The following KRT31 variants were observed in gnomAD, a reference collection of about 807,000 sequenced individuals.
KRT31 encodes keratin 31, also known as keratin, type I cuticular Ha1.
KRT31 carries 27 observed loss-of-function variants against 40.8 expected under a neutral mutation model. That is an observed-to-expected ratio of 0.66 (90% CI 0.49 to 0.91). The LOEUF (loss-of-function observed/expected upper bound fraction) is 0.91. KRT31 is among the 40% of genes least tolerant of loss of function. The pLI is 0.00. For missense variants in KRT31, 510 were observed against 544.1 expected (o/e 0.94, Z 0.62); for synonymous variants, 231 against 231.9 (o/e 1.00, Z 0.03).
In KRT31 at chr17:41,394,075, G is replaced by C; in HGVS notation, c.1192C>G (p.Pro398Ala). The part of the protein sequence containing the change: ...NPCTSCVPPA[P>A]CTPCAPRPRC... ...GGGCGTGGGGCACAGGGTGTGCAGG[G>C]GGCAGGAGGGACACAAGAGGTACAG... The change falls in exon 7 of 7, where the codon CCC becomes GCC. Residue 398 changes from proline (P) to alanine (A), a missense_variant. By Grantham distance (27) the Pro-to-Ala change is conservative. Coordinates refer to ENST00000251645, the MANE Select transcript of KRT31 (RefSeq NM_002277.3). 1 of 1,613,544 alleles carries C rather than the reference G, an allele frequency of 6.2e-7. No homozygotes were observed. Among genetic ancestry groups the C allele is most frequent in the Non-Finnish European group, 8.5e-7 (1 of 1,179,716 alleles).
intron 6 of KRT31, 109 bp from the exon 7 acceptor site, chr17:41,394,278 C>T (rs754017394): frequency 2.0e-5 from 23 of 1,177,658 alleles, no homozygotes; most frequent in Non-Finnish European, 2.7e-5. Flanking sequence ...CTTGACCTGG[C>T]CTAGAACAGA....
Position 41,396,894 on chromosome 17 carries a change from C to G in KRT31, c.431+19G>C, listed in dbSNP as rs752581165. On this transcript the variant is annotated intron_variant, in intron 2 of 6. Transcript: ENST00000251645. Reference sequence around the variant, plus strand: ...TAAACAGAAGCAATTGACACTAGTGCAAATTCCGAACAACTCACTTGGTTC... The same window carrying G: ...TAAACAGAAGCAATTGACACTAGTGGAAATTCCGAACAACTCACTTGGTTC... 9.4e-6 allele frequency: 15 copies of G among 1,591,702 alleles called. No individual in the cohort carries two copies. In the South Asian group the frequency reaches 1.5e-4, roughly 16 times the overall value.
chr17:41,397,530 T>G lies in KRT31; in HGVS notation c.10A>C (p.Asn4His). The change falls in exon 1 of 7, where the codon AAC (asparagine) becomes CAC (histidine). Residue 4 changes from asparagine to histidine, a missense_variant. Physicochemically the swap from Asn to His is moderately conservative, Grantham distance 68 (BLOSUM62 1). Coordinates refer to ENST00000251645, the MANE Select transcript of KRT31 (RefSeq NM_002277.3). MPY[N>H]FCLPSLSCRT... is the part of the protein sequence containing the mutation. ...CAGCTCAGGCTGGGCAGGCAGAAGTTGTAGGGCATAGTGCTGGGAGGGAGG... is the reference window on the plus strand; with the variant it reads ...CAGCTCAGGCTGGGCAGGCAGAAGTGGTAGGGCATAGTGCTGGGAGGGAGG... The G allele has an allele frequency of 1.2e-6, 2 of 1,612,176 alleles. No homozygotes were observed. Among genetic ancestry groups the G allele is most frequent in the Non-Finnish European group, 1.7e-6 (2 of 1,179,188 alleles).
chr17:41,394,315 G>T, intron 6 of KRT31, 146 bp from the exon 7 acceptor site: 1 of 776,848 alleles, frequency 1.3e-6, no homozygotes, highest in South Asian at 1.7e-5. Context: ...CTGCTACAAA[G>T]ATAACTAACT....
In KRT31 at chr17:41,394,116, G is replaced by A. The variant is rs139310454; in HGVS notation, c.1151C>T (p.Pro384Leu). ...AGAGGTACAGGGATTGGAGAGACAGGGTCCGATGGGCTTGCTGCACGCGTT... is the reference window on the plus strand; with the variant it reads ...AGAGGTACAGGGATTGGAGAGACAGAGTCCGATGGGCTTGCTGCACGCGTT... ...TTNACSKPIG[P>L]CLSNPCTSCV... The change falls in exon 7 of 7, where the codon CCC (proline) becomes CTC (leucine). Residue 384 changes from proline (P) to leucine (L), a missense_variant. Transcript: ENST00000251645. 1.6e-4 allele frequency: 254 copies of A among 1,612,786 alleles called. 1 individual carries two copies. In the African/African-American group the frequency reaches 2.7e-3, roughly 17 times the overall value.
rs751597381 is a variant in KRT31 at position 41,397,404 on chromosome 17, A to G, written c.136T>C (p.Trp46Arg). Reference protein sequence around the residue: ...NIPANVSNCNWFCEGSFNGSE... With the variant: ...NIPANVSNCNRFCEGSFNGSE... The stretch of plus-strand genomic sequence containing the variant: ...CCATTGAAGGAGCCCTCGCAGAACC[A>G]GTTGCAGTTGCTCACATTGGCGGGG... Residue 46 changes from tryptophan (W) to arginine (R), a missense_variant, in exon 1 of 7, where the codon TGG becomes CGG. By Grantham distance (101) the Trp-to-Arg change is moderately radical. Coordinates refer to ENST00000251645, the MANE Select transcript of KRT31 (RefSeq NM_002277.3). 1.4e-5 allele frequency: 23 copies of G among 1,612,828 alleles called. 1 individual carries two copies. The highest frequency in any genetic ancestry group is 1.8e-5 in the Non-Finnish European group (21 of 1,180,044).
Position 41,395,088 on chromosome 17 carries a change from G to A in KRT31, c.877-20C>T, listed in dbSNP as rs746742544. ...GTCTCGCTGTGGTGGAGAAGATTGG[G>A]AATGTCAGAGAGCTGCTCCTTCAAA... On this transcript the variant is annotated intron_variant, in intron 5 of 6. Transcript: ENST00000251645. The A allele has an allele frequency of 1.9e-6, 3 of 1,613,764 alleles. No homozygotes were observed. The highest frequency in any genetic ancestry group is 2.2e-5 in the East Asian group (1 of 44,898).
chr17:41,397,276 G>C lies in KRT31; in HGVS notation c.264C>G (p.Ile88Met). The change falls in exon 1 of 7, where the codon ATC becomes ATG. Residue 88 changes from isoleucine (I) to methionine (M), a missense_variant. Coordinates refer to ENST00000251645, the MANE Select transcript of KRT31 (RefSeq NM_002277.3). ...ERDNAELENL[I>M]RERSQQQEPL... ...GCTCCTGCTGCTGAGACCGCTCCCG[G>C]ATGAGGTTCTCCAGCTCCGCGTTGT... 1.2e-6 allele frequency: 2 copies of C among 1,614,248 alleles called. No homozygotes were observed. Among genetic ancestry groups the C allele is most frequent in the Non-Finnish European group, 1.7e-6 (2 of 1,180,048 alleles).
In KRT31 at chr17:41,396,460, A is replaced by G; in HGVS notation, c.548T>C (p.Leu183Pro). Residue 183 changes from leucine (L) to proline (P), a missense_variant, in exon 3 of 7, where the codon CTG becomes CCG. Transcript: ENST00000251645. ...KSDLEAQVES[L>P]KEELLCLKSN... ...CTTGAGGCAGAGCAGCTCCTCCTTC[A>G]GGGACTCCACCTGGGCCTCCAGGTC... 6.2e-7 allele frequency: 1 copy of G among 1,614,144 alleles called. No homozygotes were observed. Among genetic ancestry groups the G allele is most frequent in the Non-Finnish European group, 8.5e-7 (1 of 1,180,028 alleles).
Position 41,393,833 on chromosome 17 carries a change from T to G in KRT31, c.*183A>C. 1.7e-6 allele frequency: 1 copy of G among 584,978 alleles called. No individual in the cohort carries two copies. Among genetic ancestry groups the G allele is most frequent in the Non-Finnish European group, 2.9e-6 (1 of 347,772 alleles). 36.2% of individuals were successfully genotyped at this position (584,978 alleles called of 1,614,324 possible). ...GAACAGACCCCCAGGAAGGAAAGGG[T>G]GAGCAGGACAGTCTGGAGTAGTTGG... On this transcript the variant is annotated 3_prime_UTR_variant, in exon 7 of 7. Coordinates refer to ENST00000251645, the MANE Select transcript of KRT31 (RefSeq NM_002277.3).
chr17:41,395,454 A>T lies in KRT31; in HGVS notation c.750+8T>A, dbSNP rs1254403249. 3.1e-6 allele frequency: 5 copies of T among 1,613,952 alleles called. No homozygotes were observed. The African/African-American group carries it at 5.3e-5, about 17-fold the overall frequency. ...GGGTCCTGAGGGGCCACGTGCTTAG[A>T]TGCCCACCTGCGTGGTGAACCATTG... On this transcript the variant is annotated splice_region_variant and intron_variant, in intron 4 of 6. Coordinates refer to ENST00000251645, the MANE Select transcript of KRT31 (RefSeq NM_002277.3).
intron 3 of KRT31, among the ~76,000 whole-genome samples, chr17:41,396,177 A>G (rs1250810560): frequency 1.3e-5 from 2 of 152,132 alleles, no homozygotes; most frequent in Non-Finnish European, 2.9e-5. Context: ...ACTATTGATC[A>G]ACTGCAAGCA....
chr17:41,396,423 C>T lies in KRT31; in HGVS notation c.585G>A (p.Glu195=), dbSNP rs763347087. The T allele has an allele frequency of 3.1e-6, 5 of 1,613,776 alleles. No homozygotes were observed. Among genetic ancestry groups the T allele is most frequent in the Non-Finnish European group, 3.4e-6 (4 of 1,179,830 alleles). The change falls in exon 3 of 7, where the codon GAG becomes GAA. Residue 195 remains glutamate (E), a synonymous_variant. Transcript: ENST00000251645. ...CATTTCTCATTTCTAGTCTCACCTG[C>T]TCATGGTTGCTCTTGAGGCAGAGCA... is the stretch of plus-strand genomic sequence containing the variant. ...EELLCLKSNH[E]QEVNTLRCQL... is the part of the protein sequence containing the mutation.
At position 41,394,847 on chromosome 17, in the gene KRT31, C is replaced by A; in HGVS notation, c.1097+1G>T. The A allele has an allele frequency of 1.2e-6, 2 of 1,614,058 alleles. No homozygotes were observed. Among genetic ancestry groups the A allele is most frequent in the Non-Finnish European group, 1.7e-6 (2 of 1,179,966 alleles). ...TCAAACACGTCTGCCCATGTACTCA[C>A]TTGCAGTCCTCGCTCTCCAGCAGGC... On this transcript the variant is annotated splice_donor_variant, in intron 6 of 6. Coordinates refer to ENST00000251645, the MANE Select transcript of KRT31 (RefSeq NM_002277.3). LOFTEE classifies it high-confidence loss of function.
At chr17:41,394,313 A>C in intron 6 of KRT31, 144 bp from the exon 7 acceptor site, 4 of 784,038 alleles carry the variant, frequency 5.1e-6, no homozygotes, top group Middle Eastern at 2.9e-4. Context: ...CCCTGCTACA[A>C]AGATAACTAA....
chr17:41,394,749 G>A, intron 6 of KRT31, 99 bp downstream of exon 6: 2 of 1,563,388 alleles, frequency 1.3e-6, no homozygotes, highest in African/African-American at 1.3e-5. Flanking sequence ...TAGTGTGAAG[G>A]CATAATTTCC....
chr17:41,396,541 T>C lies in KRT31; in HGVS notation c.467A>G (p.Glu156Gly). ...QTELSLRQLV[E>G]SDINGLRRIL... Reference sequence around the variant, plus strand: ...CCTGCGCAGACCGTTGATGTCCGACTCCACCAGCTGCCGCAGGGACAGCTC... The same window carrying C: ...CCTGCGCAGACCGTTGATGTCCGACCCCACCAGCTGCCGCAGGGACAGCTC... Residue 156 changes from glutamate to glycine, a missense_variant, in exon 3 of 7, where the codon GAG (glutamate) becomes GGG (glycine). Transcript: ENST00000251645. 6.2e-7 allele frequency: 1 copy of C among 1,614,146 alleles called. No individual in the cohort carries two copies. The highest frequency in any genetic ancestry group is 8.5e-7 in the Non-Finnish European group (1 of 1,180,022).
At chr17:41,396,828 G>A in intron 2 of KRT31, 85 bp downstream of exon 2, 1 of 1,259,378 alleles carries the variant, frequency 7.9e-7, no homozygotes, top group South Asian at 1.2e-5. Context: ...CAACAAGTGG[G>A]TAGATCTGTT....
At chr17:41,394,207 G>A (rs2144354156) in intron 6 of KRT31, 38 bp from the exon 7 acceptor site, 1 of 1,606,428 alleles carries the variant, frequency 6.2e-7, no homozygotes, top group Non-Finnish European at 8.5e-7. Flanking sequence ...GTGAGTTAAG[G>A]GCAATTTTAA....
Sources: allele counts gnomAD v4.1 joint callset (sites outside exome capture counted in the v4.1 genomes callset), GRCh38; gene constraint gnomAD v4.1.1; transcripts MANE v1.5; gene names NCBI Gene and HGNC (gene_info 2026-07-23, HGNC 2026-07-21).